ULK2: variants seen among roughly 807,000 people sequenced by gnomAD.
ULK2 encodes unc-51 like autophagy activating kinase 2.
A neutral mutation model predicts 127.5 loss-of-function variants in ULK2; 76 were observed. The observed-to-expected ratio is 0.60, with a 90% CI of 0.50 to 0.72. ULK2 has a LOEUF of 0.72. ULK2 is among the 30% of genes least tolerant of loss of function. The probability of loss-of-function intolerance (pLI) is 0.00; values close to 1 mark genes in which losing one functional copy is unlikely to be tolerated. For synonymous variants in ULK2, 452 were observed against 461.9 expected (o/e 0.98, Z 0.28); for missense variants, 1,144 against 1,295.9 (o/e 0.88, Z 1.80).
chr17:19,781,853 G>A (rs1201482395), intron 23 of ULK2, 36 bp downstream of exon 23: 1 of 1,599,692 alleles, frequency 6.3e-7, no homozygotes, highest in Admixed American at 1.7e-5. Context: ...GACAAAGCAT[G>A]AAAAGTCTGG....
Position 19,845,372 on chromosome 17 carries a change from A to G in ULK2, c.475T>C (p.Phe159Leu). 6.2e-7 allele frequency: 1 copy of G among 1,613,624 alleles called. No homozygotes were observed. ...VSGIRIKIADFGFARYLHSNM... is the reference protein window; with the variant it reads ...VSGIRIKIADLGFARYLHSNM... ...CTATGTAGGTAACGAGCAAAACCAA[A>G]ATCCGCTATTTCACAAAACAGAAAG... is the stretch of plus-strand genomic sequence containing the variant. The change falls in exon 7 of 27, where the codon TTT becomes CTT. Residue 159 changes from phenylalanine (F) to leucine (L), a missense_variant. This residue lies in a region of ULK2 where 231 missense variants were observed against 325.4 expected (regional missense o/e 0.71). Transcript: ENST00000395544.
chr17:19,830,768 C>T (rs1203981925), intron 10 of ULK2, among the ~76,000 whole-genome samples: 1 of 152,140 alleles, frequency 6.6e-6, no homozygotes, highest in African/African-American at 2.4e-5. Context: ...TGGCTCATGC[C>T]TATAATCCCA....
intron 20 of ULK2, 133 bp downstream of exon 20, chr17:19,795,489 T>G (rs2087249292): frequency 1.3e-6 from 1 of 754,372 alleles, no homozygotes; most frequent in Non-Finnish European, 2.3e-6. Flanking sequence ...AGGGATGGCA[T>G]CCAGAACTAT....
intron 6 of ULK2, 136 bp from the exon 7 acceptor site, chr17:19,845,513 C>A: frequency 1.5e-5 from 9 of 606,534 alleles, no homozygotes; most frequent in South Asian, 4.9e-5. Flanking sequence ...AGACTGTCCA[C>A]CAAAAAAAAA....
chr17:19,802,687 C>T (rs73980707), intron 15 of ULK2, among the ~76,000 whole-genome samples: 1,651 of 152,210 alleles, frequency 0.011, 28 homozygotes, highest in African/African-American at 0.038. Flanking sequence ...AACTGTGACA[C>T]GTTTCTTTGA....
At chr17:19,824,062 T>C (rs917281856) in intron 12 of ULK2, among the ~76,000 whole-genome samples, 4 of 152,180 alleles carry the variant, frequency 2.6e-5, no homozygotes, top group Non-Finnish European at 4.4e-5. Context: ...AGGTGTCCTA[T>C]ATGACAGGTA....
At chr17:19,863,188 C>A (rs891636709) in intron 3 of ULK2, among the ~76,000 whole-genome samples, 5 of 151,450 alleles carry the variant, frequency 3.3e-5, no homozygotes, top group Non-Finnish European at 7.4e-5. Flanking sequence ...TCACTCCAGC[C>A]TGGGCGACAA....
intron 21 of ULK2, chr17:19,784,206 TA>T (rs2086980201): frequency 4.4e-6 from 1 of 226,810 alleles, no homozygotes; most frequent in Non-Finnish European, 8.4e-6. Context: ...CTCATAATTA[TA>T]AAACTCAATG....
intron 10 of ULK2, among the ~76,000 whole-genome samples, chr17:19,836,920 T>C (rs1307194574): frequency 1.3e-5 from 2 of 149,254 alleles, no homozygotes; most frequent in Non-Finnish European, 3.0e-5. Flanking sequence ...CAAAACAAAA[T>C]AAAACAAAAC....
intron 20 of ULK2, among the ~76,000 whole-genome samples, chr17:19,793,361 A>G (rs928002520): frequency 1.3e-5 from 2 of 152,192 alleles, no homozygotes; most frequent in African/African-American, 2.4e-5. Context: ...AACCCTATCA[A>G]TGGTCAACCG....
At chr17:19,859,189 T>A (rs281326) in intron 3 of ULK2, among the ~76,000 whole-genome samples, 6,028 of 151,850 alleles carry the variant, frequency 0.04, 311 homozygotes, top group East Asian at 0.24. Flanking sequence ...ATTATAAAAA[T>A]TTTTTTTAAA....
At chr17:19,782,113 C>A in intron 22 of ULK2, 46 bp from the exon 23 acceptor site, 2 of 1,566,622 alleles carry the variant, frequency 1.3e-6, no homozygotes, top group South Asian at 1.2e-5. Context: ...ATTAAAAATA[C>A]GTACATACTC....
chr17:19,810,480 T>C (rs1249530476), intron 13 of ULK2, 42 bp from the exon 14 acceptor site: 3 of 1,356,294 alleles, frequency 2.2e-6, no homozygotes, highest in East Asian at 2.4e-5. Context: ...TTATACCATC[T>C]GCTTAAAAAA....
intron 8 of ULK2, 49 bp downstream of exon 8, chr17:19,843,071 TA>T (rs2041803016): frequency 1.4e-6 from 2 of 1,408,494 alleles, no homozygotes; most frequent in Non-Finnish European, 2.0e-6. Flanking sequence ...AACGCAACTA[TA>T]AAATGACAAG....
rs186938561 is a variant in ULK2 at position 19,783,249 on chromosome 17, G to A, written c.2460+448C>T. Among the ~76,000 whole-genome samples the A allele has an allele frequency of 3.5e-3, 535 of 152,066 alleles. 3 individuals are homozygous for A. The highest frequency in any genetic ancestry group is 0.012 in the African/African-American group (515 of 41,476). On this transcript the variant is annotated intron_variant, in intron 22 of 26. Coordinates refer to ENST00000395544, the MANE Select transcript of ULK2 (RefSeq NM_014683.4). ...GGGCAGATCACAAGGTCAGGAGTTC[G>A]AGACCCGCCTGGCCAACATGGTGAA... is the stretch of plus-strand genomic sequence containing the variant.
chr17:19,849,756 A>G lies in ULK2; in HGVS notation c.244T>C (p.Phe82Leu), dbSNP rs1268502190. Residue 82 changes from phenylalanine (F) to leucine (L), a missense_variant, in exon 4 of 27, where the codon TTT becomes CTT. By Grantham distance (22) the Phe-to-Leu change is conservative. Transcript: ENST00000395544. ...YDVQELPNSV[F>L]LVMEYCNGGD... ...ATACTACCTACCTCCATCACCAAAA[A>G]GACAGAGTTGGGTAATTCCTGAAAA... The G allele has an allele frequency of 1.9e-6, 3 of 1,550,686 alleles. No individual in the cohort carries two copies. The African/African-American group carries it at 4.2e-5, about 22-fold the overall frequency.
At chr17:19,794,723 G>GA (rs11336353) in intron 20 of ULK2, among the ~76,000 whole-genome samples, 2 of 144,024 alleles carry the variant, frequency 1.4e-5, no homozygotes. Flanking sequence ...AAGTCATAGA[G>GA]AAAAAAAAAA....
intron 18 of ULK2, 68 bp from the exon 19 acceptor site, chr17:19,796,350 G>T: frequency 7.2e-7 from 1 of 1,386,100 alleles, no homozygotes. Context: ...TTCAGTACTG[G>T]CAGGTTTGTG....
At chr17:19,783,543 T>C (rs375303912) in intron 22 of ULK2, among the ~76,000 whole-genome samples, 154 bp downstream of exon 22, 3 of 152,202 alleles carry the variant, frequency 2.0e-5, no homozygotes, top group African/African-American at 7.2e-5. Flanking sequence ...TCAATGTTAA[T>C]TTAAAAAGAC....
Sources: gnomAD v4.1 joint callset for allele counts (sites outside exome capture counted in the v4.1 genomes callset) on GRCh38, gnomAD v4.1.1 for gene constraint, gnomAD v4.1.1 regional missense constraint, MANE v1.5 for transcripts, NCBI Gene and HGNC (gene_info 2026-07-23, HGNC 2026-07-21) for gene names.